The following KCTD8 variants were observed in gnomAD, a reference collection of about 807,000 sequenced individuals.
KCTD8 encodes the protein BTB/POZ domain-containing protein KCTD8.
KCTD8 carries 27 observed loss-of-function variants against 31.5 expected under a neutral mutation model. The observed-to-expected ratio is 0.86, with a 90% CI of 0.63 to 1.18. The LOEUF is 1.18. KCTD8 is among the 50% of genes most tolerant of loss of function. KCTD8 has a pLI of 0.00. For synonymous variants in KCTD8, 290 were observed against 280.0 expected (o/e 1.04, Z -0.36); for missense variants, 658 against 647.7 (o/e 1.02, Z -0.17).
At chr4:44,261,025 G>C (rs768506942) in intron 1 of KCTD8, among the ~76,000 whole-genome samples, 3 of 151,970 alleles carry the variant, frequency 2.0e-5, no homozygotes, top group African/African-American at 7.2e-5. Context: ...TTTAAACTAT[G>C]GTCTTCGTGG....
At chr4:44,365,733 T>C (rs1719615386) in intron 1 of KCTD8, among the ~76,000 whole-genome samples, 1 of 152,202 alleles carries the variant, frequency 6.6e-6, no homozygotes, top group African/African-American at 2.4e-5. Flanking sequence ...AAATTTTAAA[T>C]GTGTAAACCA....
At chr4:44,358,782 G>A (rs1051697070) in intron 1 of KCTD8, among the ~76,000 whole-genome samples, 3 of 152,068 alleles carry the variant, frequency 2.0e-5, no homozygotes, top group African/African-American at 7.2e-5. Context: ...TGTTAGCCAG[G>A]ATGGTCTCGA....
chr4:44,188,754 G>A (rs1030534090), intron 1 of KCTD8, among the ~76,000 whole-genome samples: 1 of 152,180 alleles, frequency 6.6e-6, no homozygotes, highest in Non-Finnish European at 1.5e-5. Context: ...TGTGTCCATG[G>A]AATCAGAGGT....
At chr4:44,328,431 T>C (rs963870672) in intron 1 of KCTD8, among the ~76,000 whole-genome samples, 2 of 151,954 alleles carry the variant, frequency 1.3e-5, no homozygotes, top group African/African-American at 4.8e-5. Flanking sequence ...GAGTACTAGA[T>C]GACCACATCA....
At chr4:44,275,957 G>A (rs1716737562) in intron 1 of KCTD8, among the ~76,000 whole-genome samples, 1 of 151,954 alleles carries the variant, frequency 6.6e-6, no homozygotes, top group African/African-American at 2.4e-5. Context: ...TTTAGTAAAG[G>A]TCTGTATTAA....
chr4:44,416,682 C>A (rs956271893), intron 1 of KCTD8, among the ~76,000 whole-genome samples: 17 of 152,136 alleles, frequency 1.1e-4, no homozygotes, highest in Admixed American at 2.0e-4. Flanking sequence ...AACATTAGCT[C>A]CTCCTTCACC....
intron 1 of KCTD8, among the ~76,000 whole-genome samples, chr4:44,345,941 AC>A (rs769515133): frequency 1.3e-5 from 2 of 151,434 alleles, no homozygotes; most frequent in African/African-American, 4.8e-5. Context: ...ACAAAAAAAA[AC>A]CACATACAAT....
chr4:44,373,117 C>A (rs374086985), intron 1 of KCTD8, among the ~76,000 whole-genome samples: 1 of 152,140 alleles, frequency 6.6e-6, no homozygotes, highest in Non-Finnish European at 1.5e-5. Context: ...GTATTCCCAG[C>A]ACTTTGGGAG....
intron 1 of KCTD8, among the ~76,000 whole-genome samples, chr4:44,310,861 A>T (rs1394296129): frequency 6.6e-6 from 1 of 152,072 alleles, no homozygotes; most frequent in Admixed American, 6.5e-5. Flanking sequence ...ATATAAATTA[A>T]TTATTTTCTG....
At chr4:44,220,366 T>A (rs1299525189) in intron 1 of KCTD8, among the ~76,000 whole-genome samples, 1 of 152,110 alleles carries the variant, frequency 6.6e-6, no homozygotes, top group Non-Finnish European at 1.5e-5. Flanking sequence ...CAGAAGTGGG[T>A]GGAAAACACA....
rs772318561 is a variant in KCTD8 at position 44,448,449 on chromosome 4, C to G, written c.75G>C (p.Ser25=). 5.8e-6 allele frequency: 9 copies of G among 1,542,864 alleles called. No individual in the cohort carries two copies. Among genetic ancestry groups the G allele is most frequent in the Non-Finnish European group, 6.9e-6 (8 of 1,152,842 alleles). Residue 25 remains serine, a synonymous_variant, in exon 1 of 2, where the codon TCG becomes TCC. Transcript: ENST00000360029. This position sits in a 1 kb window ranked among gnomAD's most constrained non-coding sequence, Gnocchi z 4.1. ...GGGCGGCGGCGGCCGACGCGCCGGG[C>G]GAGCTGGACGAGGAAACCATCTCGC... ...PISEMVSSSS[S]PGASAAAAPG...
intron 1 of KCTD8, among the ~76,000 whole-genome samples, chr4:44,421,770 A>G (rs1721218265): frequency 6.6e-6 from 1 of 151,976 alleles, no homozygotes; most frequent in African/African-American, 2.4e-5. Context: ...TAATGGGGAA[A>G]AGAACCATGC....
chr4:44,438,528 C>T (rs905506989), intron 1 of KCTD8, among the ~76,000 whole-genome samples: 3 of 152,082 alleles, frequency 2.0e-5, no homozygotes, highest in African/African-American at 7.2e-5. Flanking sequence ...AACCAGTGAC[C>T]AGCACTGGAC....
intron 1 of KCTD8, among the ~76,000 whole-genome samples, chr4:44,344,478 C>G (rs540860663): frequency 1.1e-4 from 17 of 152,246 alleles, no homozygotes; most frequent in African/African-American, 4.1e-4. Flanking sequence ...AGTCATTGTG[C>G]CGGGTATGTA....
chr4:44,415,107 T>C (rs1721043398), intron 1 of KCTD8, among the ~76,000 whole-genome samples: 1 of 152,162 alleles, frequency 6.6e-6, no homozygotes, highest in African/African-American at 2.4e-5. Context: ...ATCCATGTTA[T>C]GCCCTAGCAA....
chr4:44,419,532 T>TGAGTTCATGTCCTTTGAAG (rs1157924147), intron 1 of KCTD8, among the ~76,000 whole-genome samples: 1 of 152,126 alleles, frequency 6.6e-6, no homozygotes, highest in Non-Finnish European at 1.5e-5. Context: ...TATAAAAGGA[T>TGAGTTCATGTCCTTTGAAG]GAGTTCATGT....
chr4:44,324,894 T>C (rs917139287), intron 1 of KCTD8, among the ~76,000 whole-genome samples: 1 of 152,036 alleles, frequency 6.6e-6, no homozygotes, highest in African/African-American at 2.4e-5. Context: ...AGACTGGCCT[T>C]ATGTTACTAA....
intron 1 of KCTD8, among the ~76,000 whole-genome samples, chr4:44,274,229 C>G (rs1716687330): frequency 6.6e-6 from 1 of 151,838 alleles, no homozygotes; most frequent in Non-Finnish European, 1.5e-5. Flanking sequence ...ATTTAACTTT[C>G]TAACTTTAGC....
In KCTD8 at chr4:44,432,158, C is replaced by G. The variant is rs537302492; in HGVS notation, c.961+15405G>C. The stretch of plus-strand genomic sequence containing the variant: ...TATAGAAATAGATATTATTTATTAG[C>G]TCTTATTTTTTAATAATTACAATTT... On this transcript the variant is annotated intron_variant, in intron 1 of 1. Transcript: ENST00000360029. 1.3e-4 allele frequency among the ~76,000 whole-genome samples: 19 copies of G among 151,092 alleles called. No individual in the cohort carries two copies. In the South Asian group the frequency reaches 3.9e-3, roughly 31 times the overall value.
Sources: allele counts gnomAD v4.1 joint callset (sites outside exome capture counted in the v4.1 genomes callset), GRCh38; gene constraint gnomAD v4.1.1; non-coding constraint Gnocchi (gnomAD v3.1); transcripts MANE v1.5; gene names NCBI Gene and HGNC (gene_info 2026-07-23, HGNC 2026-07-21).